MAST4: variants seen among roughly 807,000 people sequenced by gnomAD.
MAST4 encodes microtubule associated serine/threonine kinase family member 4.
Under a neutral mutation model 162.7 loss-of-function variants are expected in MAST4, and 89 were observed. The ratio of observed to expected loss-of-function variants is 0.55; its 90% CI spans 0.46 to 0.65. MAST4 has a LOEUF of 0.65. Ranked by LOEUF, MAST4 falls within the 30% of genes least tolerant of loss-of-function variation. The probability of loss-of-function intolerance (pLI) is 0.00; values close to 1 mark genes in which losing one functional copy is unlikely to be tolerated. For missense variants in MAST4, 3,153 were observed against 3,374.0 expected (o/e 0.93, Z 1.62); for synonymous variants, 1,479 against 1,361.1 (o/e 1.09, Z -1.91).
intron 1 of MAST4, among the ~76,000 whole-genome samples, chr5:66,757,698 G>A (rs568242618): frequency 3.2e-4 from 48 of 152,272 alleles, no homozygotes; most frequent in Admixed American, 1.8e-3. Context: ...TGTGTGAAGA[G>A]GAGAGAGAGC....
intron 4 of MAST4, among the ~76,000 whole-genome samples, chr5:67,033,277 G>A (rs1474856585): frequency 6.7e-6 from 1 of 148,650 alleles, no homozygotes; most frequent in Non-Finnish European, 1.5e-5. Context: ...TCTCTCAGCT[G>A]AGAGTTGTAA....
intron 2 of MAST4, among the ~76,000 whole-genome samples, chr5:66,776,151 A>G (rs2149648793): frequency 1.3e-5 from 2 of 152,306 alleles, no homozygotes; most frequent in Non-Finnish European, 2.9e-5. Context: ...ATAGGTTGTG[A>G]TATGGAGTTT....
At chr5:66,783,789 C>T (rs983498192) in intron 2 of MAST4, among the ~76,000 whole-genome samples, 19 of 151,854 alleles carry the variant, frequency 1.3e-4, no homozygotes, top group South Asian at 4.2e-4. Context: ...TCCTGTGAGA[C>T]GTAACAAAAC....
At chr5:67,071,759 C>CA (rs1484143861) in intron 5 of MAST4, among the ~76,000 whole-genome samples, 2 of 150,448 alleles carry the variant, frequency 1.3e-5, no homozygotes, top group African/African-American at 2.4e-5. Flanking sequence ...GACTTCATCT[C>CA]AAAAAAACAA....
chr5:66,658,972 T>C (rs994725855), intron 1 of MAST4, among the ~76,000 whole-genome samples: 8 of 152,098 alleles, frequency 5.3e-5, no homozygotes, highest in African/African-American at 1.7e-4. Flanking sequence ...CAGTGAGCTA[T>C]GATTGTACCA....
At chr5:66,883,625 C>T (rs765805967) in intron 3 of MAST4, among the ~76,000 whole-genome samples, 1 of 152,038 alleles carries the variant, frequency 6.6e-6, no homozygotes, top group Non-Finnish European at 1.5e-5. Context: ...GACAGGATTT[C>T]ACCATGTTGG....
intron 5 of MAST4, among the ~76,000 whole-genome samples, chr5:67,074,397 C>T (rs543959629): frequency 6.6e-6 from 1 of 151,700 alleles, no homozygotes; most frequent in African/African-American, 2.4e-5. Context: ...TGTCAAGAGC[C>T]CTAAAAATAG....
At chr5:67,112,470 C>T (rs1037995276) in intron 11 of MAST4, among the ~76,000 whole-genome samples, 12 of 152,168 alleles carry the variant, frequency 7.9e-5, no homozygotes, top group African/African-American at 2.9e-4. Context: ...CAATGCCAGT[C>T]GCAAGCTCCA....
intron 1 of MAST4, chr5:66,738,191 C>T (rs959449492): frequency 1.3e-5 from 2 of 152,198 alleles, no homozygotes; most frequent in Non-Finnish European, 2.9e-5. Flanking sequence ...CTGGCAGTGT[C>T]CTCACTCTGG....
intron 4 of MAST4, among the ~76,000 whole-genome samples, chr5:67,051,336 C>T (rs75962809): frequency 3.3e-4 from 50 of 152,182 alleles, no homozygotes; most frequent in African/African-American, 9.1e-4. Flanking sequence ...GACTGCCTGA[C>T]GTGCAGGTGC....
At chr5:67,128,557 G>C (rs183333054) in intron 14 of MAST4, among the ~76,000 whole-genome samples, 4 of 152,180 alleles carry the variant, frequency 2.6e-5, no homozygotes, top group Admixed American at 1.3e-4. Context: ...AAAAAGATGG[G>C]CATGATGAAA....
In MAST4 at chr5:67,165,148, C is replaced by G; in HGVS notation, c.5969C>G (p.Ala1990Gly). 6.3e-7 allele frequency: 1 copy of G among 1,595,264 alleles called. No individual in the cohort carries two copies. Among genetic ancestry groups the G allele is most frequent in the African/African-American group, 1.3e-5 (1 of 74,692 alleles). ...AGAAGCGAGCGCTCTGCTGCGAGGG[C>G]TGACACATGCAGAGAGCCCTCCATG... is the stretch of plus-strand genomic sequence containing the variant. The part of the protein sequence containing the change: ...TARSERSAAR[A>G]DTCREPSMEL... The change falls in exon 29 of 29, where the codon GCT becomes GGT. Residue 1990 changes from alanine (A) to glycine (G), a missense_variant. Around this residue, in one of 7 missense-constraint regions of MAST4, gnomAD observed 1,644 missense variants for 1,495.0 expected, o/e 1.10. Transcript: ENST00000403625.
intron 1 of MAST4, among the ~76,000 whole-genome samples, chr5:66,621,570 C>T (rs899279516): frequency 1.3e-5 from 2 of 152,116 alleles, no homozygotes; most frequent in East Asian, 1.9e-4. Flanking sequence ...TTACACTTTG[C>T]TCTTATGTTT....
At position 67,070,257 on chromosome 5, in the gene MAST4, G is replaced by A. The variant is rs538971530; in HGVS notation, c.763+15765G>A. Among the ~76,000 whole-genome samples the A allele has an allele frequency of 1.5e-3, 228 of 152,268 alleles. 2 individuals are homozygous for A. Among genetic ancestry groups the A allele is most frequent in the Non-Finnish European group, 2.6e-4 (18 of 68,016 alleles). ...CATAGGCGGACTTTTAACATCAAGA[G>A]ATGTACATACCTCCCCTGACAACAC... is the stretch of plus-strand genomic sequence containing the variant. On this transcript the variant is annotated intron_variant, in intron 5 of 28. Coordinates refer to ENST00000403625, the MANE Select transcript of MAST4 (RefSeq NM_001164664.2).
intron 4 of MAST4, among the ~76,000 whole-genome samples, chr5:66,962,285 A>T (rs147910071): frequency 8.7e-4 from 133 of 152,192 alleles, no homozygotes; most frequent in African/African-American, 3.1e-3. Context: ...TCTTTAAGAA[A>T]CTCTCTGCAC....
intron 26 of MAST4, among the ~76,000 whole-genome samples, chr5:67,158,925 C>G (rs376116052): frequency 6.6e-6 from 1 of 152,090 alleles, no homozygotes; most frequent in South Asian, 2.1e-4. Flanking sequence ...TCCCAGCTAC[C>G]TGGGAGGCTG....
intron 3 of MAST4, among the ~76,000 whole-genome samples, chr5:66,808,864 A>G (rs935556100): frequency 2.0e-5 from 3 of 152,238 alleles, no homozygotes; most frequent in African/African-American, 7.2e-5. Context: ...GAGGCGGTGC[A>G]TGTGTCCCAG....
intron 1 of MAST4, among the ~76,000 whole-genome samples, chr5:66,744,464 A>G (rs1247583102): frequency 6.6e-6 from 1 of 152,228 alleles, no homozygotes; most frequent in Non-Finnish European, 1.5e-5. Context: ...AGTATGTATT[A>G]GTTCTTGCAC....
chr5:66,751,874 A>T (rs1753197191), intron 1 of MAST4, among the ~76,000 whole-genome samples: 1 of 149,336 alleles, frequency 6.7e-6, no homozygotes, highest in Non-Finnish European at 1.5e-5. Context: ...GAAGGAAAAA[A>T]TGTTAAGGGC....
Sources: allele counts gnomAD v4.1 joint callset (sites outside exome capture counted in the v4.1 genomes callset), GRCh38; gene constraint gnomAD v4.1.1; regional missense constraint gnomAD v4.1.1; transcripts MANE v1.5; gene names NCBI Gene and HGNC (gene_info 2026-07-23, HGNC 2026-07-21).